KIF6: variants seen among roughly 807,000 people sequenced by gnomAD.
KIF6 encodes the protein kinesin-like protein KIF6.
Under a neutral mutation model 112.7 loss-of-function variants are expected in KIF6, and 106 were observed. The observed-to-expected ratio is 0.94, with a 90% CI of 0.80 to 1.11. The LOEUF is 1.11. Among genes scored for constraint, KIF6 ranks in the 50% least tolerant of loss-of-function variants. The probability of loss-of-function intolerance (pLI) is 0.00; values close to 1 mark genes in which losing one functional copy is unlikely to be tolerated. For missense variants in KIF6, 929 were observed against 964.0 expected (o/e 0.96, Z 0.48); for synonymous variants, 339 against 339.9 (o/e 1.00, Z 0.03).
At chr6:39,721,245 C>G (rs1250119876) in intron 1 of KIF6, among the ~76,000 whole-genome samples, 1 of 152,146 alleles carries the variant, frequency 6.6e-6, no homozygotes, top group Non-Finnish European at 1.5e-5. Context: ...GGAGCCATCT[C>G]AGATAGCTCA....
chr6:39,637,155 G>A (rs1784660886), intron 4 of KIF6, among the ~76,000 whole-genome samples: 1 of 152,020 alleles, frequency 6.6e-6, no homozygotes, highest in Non-Finnish European at 1.5e-5. Context: ...CAACTTGTAT[G>A]TTTATCTGCA....
intron 12 of KIF6, among the ~76,000 whole-genome samples, chr6:39,542,805 A>T (rs1778860935): frequency 6.6e-6 from 1 of 152,206 alleles, no homozygotes; most frequent in Non-Finnish European, 1.5e-5. Context: ...CTGCTCCTGA[A>T]GAGTAGAAAG....
intron 13 of KIF6, among the ~76,000 whole-genome samples, chr6:39,520,218 C>T (rs1442272994): frequency 6.6e-6 from 1 of 152,062 alleles, no homozygotes; most frequent in Non-Finnish European, 1.5e-5. Flanking sequence ...AGACAGGATT[C>T]CAAGTTCAAT....
chr6:39,446,762 C>CT (rs1286881731), intron 13 of KIF6, among the ~76,000 whole-genome samples: 1 of 152,138 alleles, frequency 6.6e-6, no homozygotes, highest in Admixed American at 6.5e-5. Context: ...ATTGCTGGGA[C>CT]TACAGGCATG....
intron 14 of KIF6, among the ~76,000 whole-genome samples, chr6:39,429,768 T>C (rs562889978): frequency 2.7e-4 from 41 of 151,816 alleles, no homozygotes; most frequent in Non-Finnish European, 3.8e-4. Flanking sequence ...ATTAGCCAGG[T>C]GTGGTGGCGG....
At chr6:39,514,779 C>G (rs1776976757) in intron 13 of KIF6, among the ~76,000 whole-genome samples, 2 of 151,906 alleles carry the variant, frequency 1.3e-5, no homozygotes, top group African/African-American at 2.4e-5. Flanking sequence ...TTTTTTCCCC[C>G]CCGGGGATGA....
chr6:39,624,419 A>G (rs977847357), intron 5 of KIF6, among the ~76,000 whole-genome samples: 1 of 152,194 alleles, frequency 6.6e-6, no homozygotes, highest in African/African-American at 2.4e-5. Flanking sequence ...ATTTTTCTAA[A>G]GAACAGAATA....
In KIF6 at chr6:39,345,788, C is replaced by T. The variant is rs746829504; in HGVS notation, c.2233G>A (p.Asp745Asn). The T allele has an allele frequency of 3.7e-6, 6 of 1,612,048 alleles. No homozygotes were observed. The highest frequency in any genetic ancestry group is 3.4e-6 in the Non-Finnish European group (4 of 1,178,878). The change falls in exon 21 of 23, where the codon GAT becomes AAT. Residue 745 changes from aspartate (D) to asparagine (N), a missense_variant and splice_region_variant. Coordinates refer to ENST00000287152, the MANE Select transcript of KIF6 (RefSeq NM_145027.6). The part of the protein sequence containing the change: ...DQGTGRFDVC[D>N]VNARKILPSP... Reference sequence around the variant, plus strand: ...GGCAGGATTTTCCTGGCATTCACATCACTGCAAAACACAAACAAACAAAAG... The same window carrying T: ...GGCAGGATTTTCCTGGCATTCACATTACTGCAAAACACAAACAAACAAAAG...
At chr6:39,536,620 G>A (rs1230972848) in intron 13 of KIF6, among the ~76,000 whole-genome samples, 5 of 151,922 alleles carry the variant, frequency 3.3e-5, no homozygotes, top group South Asian at 2.1e-4. Context: ...ATTCACAGCC[G>A]AATTCTACCA....
At chr6:39,513,202 C>T (rs1440976804) in intron 13 of KIF6, among the ~76,000 whole-genome samples, 2 of 152,208 alleles carry the variant, frequency 1.3e-5, no homozygotes, top group Non-Finnish European at 2.9e-5. Context: ...GGTCTGACTG[C>T]TCTTCTGGGC....
chr6:39,711,926 A>G (rs559180145), intron 3 of KIF6, among the ~76,000 whole-genome samples: 43 of 152,168 alleles, frequency 2.8e-4, no homozygotes, highest in Non-Finnish European at 5.3e-4. Context: ...ACAGAGACAA[A>G]GTTTTTGATA....
chr6:39,483,233 A>G (rs775555413), intron 13 of KIF6, among the ~76,000 whole-genome samples: 1 of 152,200 alleles, frequency 6.6e-6, no homozygotes. Flanking sequence ...AGGCAGTCTG[A>G]AGGAAAAATA....
chr6:39,611,957 GT>G (rs1783237420), intron 6 of KIF6, among the ~76,000 whole-genome samples: 1 of 151,808 alleles, frequency 6.6e-6, no homozygotes, highest in African/African-American at 2.4e-5. Flanking sequence ...CGTGAATGTT[GT>G]TTCAAATAAA....
chr6:39,509,327 C>T (rs1322622888), intron 13 of KIF6, among the ~76,000 whole-genome samples: 1 of 152,148 alleles, frequency 6.6e-6, no homozygotes, highest in Non-Finnish European at 1.5e-5. Context: ...TCTTCTCCTC[C>T]AAAGGAACAC....
chr6:39,496,910 A>G (rs1775817971), intron 13 of KIF6, among the ~76,000 whole-genome samples: 2 of 152,256 alleles, frequency 1.3e-5, no homozygotes, highest in Non-Finnish European at 2.9e-5. Context: ...TAAAACGTCT[A>G]ACTCTTGTAC....
Position 39,342,610 on chromosome 6 carries a change from TATTTTTTTTTA to T in KIF6, c.2428+1088_2428+1098del, listed in dbSNP as rs747296404. Among the ~76,000 whole-genome samples, 6,413 of 137,498 alleles carry T rather than the reference TATTTTTTTTTA, an allele frequency of 0.047. 894 individuals carry two copies. The highest frequency in any genetic ancestry group is 0.13 in the African/African-American group (4,049 of 32,010). The allele number at this position is 137,498 out of a possible 152,430, so 90.2% of individuals were successfully genotyped here. A position where few individuals can be genotyped will look rare whatever the true frequency, so the allele number is the denominator to read the frequency against. On this transcript the variant is annotated intron_variant, in intron 22 of 22. Transcript: ENST00000287152. The surrounding 1 kb of genome is among the most constrained non-coding windows in gnomAD (Gnocchi z 4.7). ...CTGAATCCAGTTTTTTATTTTTTTT[TATTTTTTTTTA>T]TTTTTTTTTATTTTTAGACAAGGAA... is the stretch of plus-strand genomic sequence containing the variant.
At chr6:39,563,693 T>A (rs1383948002) in intron 10 of KIF6, among the ~76,000 whole-genome samples, 1 of 152,116 alleles carries the variant, frequency 6.6e-6, no homozygotes, top group African/African-American at 2.4e-5. Context: ...TGAAAGAGTT[T>A]GTATTAATGC....
At chr6:39,436,888 T>C (rs916938201) in intron 13 of KIF6, among the ~76,000 whole-genome samples, 1 of 152,194 alleles carries the variant, frequency 6.6e-6, no homozygotes, top group Non-Finnish European at 1.5e-5. Context: ...GGAGTTTTTT[T>C]CTAATTTTGT....
At chr6:39,478,471 C>T (rs909896458) in intron 13 of KIF6, among the ~76,000 whole-genome samples, 9 of 152,294 alleles carry the variant, frequency 5.9e-5, no homozygotes, top group African/African-American at 1.7e-4. Flanking sequence ...CATATTTTTG[C>T]AATTGCAAAT....
Sources: gnomAD v4.1 joint callset for allele counts (sites outside exome capture counted in the v4.1 genomes callset) on GRCh38, gnomAD v4.1.1 for gene constraint, Gnocchi (gnomAD v3.1) non-coding constraint, MANE v1.5 for transcripts, NCBI Gene and HGNC (gene_info 2026-07-23, HGNC 2026-07-21) for gene names.